Variants in DCHS2 observed in about 807,000 individuals in gnomAD.
DCHS2 encodes dachsous cadherin-related 2.
Under a neutral mutation model 182.4 loss-of-function variants are expected in DCHS2, and 142 were observed. That is an observed-to-expected ratio of 0.78 (90% CI 0.68 to 0.89). DCHS2 has a LOEUF of 0.89. Ranked by LOEUF, DCHS2 falls within the 40% of genes least tolerant of loss-of-function variation. The probability of loss-of-function intolerance (pLI) is 0.00; values close to 1 mark genes in which losing one functional copy is unlikely to be tolerated. For synonymous variants in DCHS2, 1,740 were observed against 1,663.3 expected (o/e 1.05, Z -1.12); for missense variants, 4,319 against 4,198.6 (o/e 1.03, Z -0.79).
chr4:154,490,037 G>C lies in DCHS2; in HGVS notation c.1319C>G (p.Ser440Trp). ...ARPGDYVARV[S>W]VSDADGDWEK... ...CCAGTCACCGTCCGCGTCAGACACC[G>C]AGACGCGAGCCACGTAGTCGCCCGG... is the stretch of plus-strand genomic sequence containing the variant. The change falls in exon 1 of 20, where the codon TCG becomes TGG. Residue 440 changes from serine (S) to tryptophan (W), a missense_variant. By Grantham distance (177) the Ser-to-Trp change is radical. Transcript: ENST00000357232. The C allele has an allele frequency of 6.5e-7, 1 of 1,547,820 alleles. No homozygotes were observed. Among genetic ancestry groups the C allele is most frequent in the Non-Finnish European group, 8.7e-7 (1 of 1,146,954 alleles).
At chr4:154,331,256 A>T (rs557225805) in intron 5 of DCHS2, among the ~76,000 whole-genome samples, 2 of 152,324 alleles carry the variant, frequency 1.3e-5, no homozygotes, top group South Asian at 4.1e-4. Flanking sequence ...CATGGTAAGG[A>T]AGCAGCTCTG....
rs562236936 is a variant in DCHS2, at chr4:154,332,395, T to G, written c.3730+83A>C. On this transcript the variant is annotated intron_variant, in intron 5 of 19. Coordinates refer to ENST00000357232, the MANE Select transcript of DCHS2 (RefSeq NM_001358235.2). ...CTCAATCCTGATTTTGTTTAATTTT[T>G]TATTTTTATTTTTACTTAAAGACGA... 1,412 of 1,268,168 alleles carry G rather than the reference T, an allele frequency of 1.1e-3. 4 individuals carry two copies. The highest frequency in any genetic ancestry group is 6.9e-3 in the Middle Eastern group (26 of 3,762). 78.6% of individuals were successfully genotyped at this position (1,268,168 alleles called of 1,614,324 possible). A position where few individuals can be genotyped will look rare whatever the true frequency, so the allele number is the denominator to read the frequency against.
rs528201207 is a variant in DCHS2 at position 154,239,874 on chromosome 4, A to T, written c.7360-572T>A. ...TTACTATGAAAAAAAGTTCTTCTAA[A>T]CTATTTCTATGAGGCAGAAAATAGT... On this transcript the variant is annotated intron_variant, in intron 18 of 19. Transcript: ENST00000357232. Among the ~76,000 whole-genome samples the T allele has an allele frequency of 4.6e-5, 7 of 152,238 alleles. No homozygotes were observed. The South Asian group carries it at 1.2e-3, about 27-fold the overall frequency.
At chr4:154,391,361 T>C (rs1731695648) in intron 1 of DCHS2, 2 of 1,533,842 alleles carry the variant, frequency 1.3e-6, no homozygotes, top group Non-Finnish European at 1.8e-6. Flanking sequence ...AACCCTTTCC[T>C]TGTGCTACAG....
chr4:154,304,581 A>T lies in DCHS2; in HGVS notation c.5605+88T>A, dbSNP rs1735360050. ...CTGGGAGGTGAAGTTGCAGTGAGCC[A>T]TCGCGCCACTGCACTCCAGCCTGGG... On this transcript the variant is annotated intron_variant, in intron 12 of 19. Transcript: ENST00000357232. 30 of 1,236,782 alleles carry T rather than the reference A, an allele frequency of 2.4e-5. No individual in the cohort carries two copies. The South Asian group carries it at 4.0e-4, about 17-fold the overall frequency. 76.6% of individuals were successfully genotyped at this position (1,236,782 alleles called of 1,614,324 possible). A position where few individuals can be genotyped will look rare whatever the true frequency, so the allele number is the denominator to read the frequency against.
At chr4:154,470,605 A>G (rs1016176194) in intron 1 of DCHS2, among the ~76,000 whole-genome samples, 3 of 152,212 alleles carry the variant, frequency 2.0e-5, no homozygotes, top group Admixed American at 6.5e-5. Context: ...AATTTTAACC[A>G]ATATTTACTT....
At chr4:154,434,730 G>C (rs1479843567) in intron 1 of DCHS2, among the ~76,000 whole-genome samples, 1 of 152,126 alleles carries the variant, frequency 6.6e-6, no homozygotes, top group Non-Finnish European at 1.5e-5. Flanking sequence ...AAGCCATGTT[G>C]ATAGCATGTA....
intron 13 of DCHS2, among the ~76,000 whole-genome samples, chr4:154,285,270 G>A (rs1220398659): frequency 6.6e-6 from 1 of 152,162 alleles, no homozygotes; most frequent in Non-Finnish European, 1.5e-5. Flanking sequence ...ACTCAGAGAT[G>A]TGCTGGCTTC....
Position 154,304,108 on chromosome 4 carries a change from A to T in DCHS2, c.5605+561T>A, listed in dbSNP as rs1360419463. Among the ~76,000 whole-genome samples the T allele has an allele frequency of 3.3e-5, 5 of 151,540 alleles. No individual in the cohort carries two copies. In the East Asian group the frequency reaches 9.6e-4, roughly 29 times the overall value. Reference sequence around the variant, plus strand: ...AACGGGACCTAGATCTAGGATGCAGATGGAGATGGGAGCCATTGGCATCCC... The same window carrying T: ...AACGGGACCTAGATCTAGGATGCAGTTGGAGATGGGAGCCATTGGCATCCC... On this transcript the variant is annotated intron_variant, in intron 12 of 19. Transcript: ENST00000357232.
intron 1 of DCHS2, among the ~76,000 whole-genome samples, chr4:154,423,178 G>A (rs923179359): frequency 2.0e-5 from 3 of 152,120 alleles, no homozygotes; most frequent in Non-Finnish European, 4.4e-5. Context: ...AAGAAACTCT[G>A]TAGCCTTTAG....
chr4:154,356,394 GTTAA>G (rs137952194), intron 3 of DCHS2, among the ~76,000 whole-genome samples: 52,866 of 151,588 alleles, frequency 0.35, 10,213 homozygotes, highest in South Asian at 0.46. Context: ...ATAAGCTGAG[GTTAA>G]TTTATTTTTG....
intron 1 of DCHS2, among the ~76,000 whole-genome samples, chr4:154,396,283 G>A (rs1268817370): frequency 6.6e-6 from 1 of 151,954 alleles, no homozygotes; most frequent in Non-Finnish European, 1.5e-5. Flanking sequence ...GGGAAAAATG[G>A]GAGATGGAAG....
chr4:154,422,895 A>G (rs1372758898), intron 1 of DCHS2, among the ~76,000 whole-genome samples: 1 of 152,216 alleles, frequency 6.6e-6, no homozygotes, highest in African/African-American at 2.4e-5. Flanking sequence ...AGGGACACAC[A>G]GTCAAAGAAA....
At chr4:154,324,274 G>A (rs909734273) in intron 7 of DCHS2, among the ~76,000 whole-genome samples, 5 of 152,056 alleles carry the variant, frequency 3.3e-5, no homozygotes, top group Non-Finnish European at 5.9e-5. Context: ...GTTGGTTCCC[G>A]GGTCTCTTTC....
chr4:154,435,978 G>A (rs1405041730), intron 1 of DCHS2, among the ~76,000 whole-genome samples: 1 of 152,146 alleles, frequency 6.6e-6, no homozygotes, highest in African/African-American at 2.4e-5. Context: ...ATATAACATC[G>A]TGATAAACAT....
At chr4:154,404,539 A>AT (rs1386830980) in intron 1 of DCHS2, among the ~76,000 whole-genome samples, 1 of 152,212 alleles carries the variant, frequency 6.6e-6, no homozygotes, top group African/African-American at 2.4e-5. Flanking sequence ...TAAGTGGAGG[A>AT]AAGAGTTGTT....
intron 16 of DCHS2, among the ~76,000 whole-genome samples, chr4:154,250,253 G>T (rs970897235): frequency 5.3e-4 from 80 of 152,038 alleles, no homozygotes; most frequent in African/African-American, 1.7e-3. Context: ...CTCTCCCCTT[G>T]GTCTCCATGA....
intron 12 of DCHS2, among the ~76,000 whole-genome samples, chr4:154,303,484 C>CAAAA (rs35984605): frequency 1.8e-4 from 15 of 84,402 alleles, no homozygotes; most frequent in African/African-American, 3.7e-4. Flanking sequence ...GTAAGTGAAG[C>CAAAA]AAAAAAAAAA....
intron 1 of DCHS2, among the ~76,000 whole-genome samples, chr4:154,464,843 A>T (rs1260080516): frequency 6.6e-6 from 1 of 152,152 alleles, no homozygotes; most frequent in East Asian, 1.9e-4. Flanking sequence ...TGATCCCTAA[A>T]GGCTGTTCCT....
Sources: gnomAD v4.1 joint callset for allele counts (sites outside exome capture counted in the v4.1 genomes callset) on GRCh38, gnomAD v4.1.1 for gene constraint, MANE v1.5 for transcripts, NCBI Gene and HGNC (gene_info 2026-07-23, HGNC 2026-07-21) for gene names.